Variants in CDK13 observed in about 807,000 individuals in gnomAD.
CDK13 encodes the protein cyclin-dependent kinase 13.
In CDK13, 40 loss-of-function variants were observed where a neutral mutation model predicts 137.6. The observed-to-expected ratio is 0.29, with a 90% CI of 0.23 to 0.38. The LOEUF (loss-of-function observed/expected upper bound fraction) is 0.38, where lower values mean the gene tolerates loss of function less well. CDK13 is among the 10% of genes least tolerant of loss of function. The pLI is 1.00. For synonymous variants in CDK13, 869 were observed against 760.1 expected, an observed-to-expected ratio of 1.14 and a Z score of -2.36; for missense variants, 1,704 against 1,951.8, an observed-to-expected ratio of 0.87 and a Z score of 2.39.
chr7:40,091,826 C>CT (rs946159715), intron 12 of CDK13, among the ~76,000 whole-genome samples: 3 of 152,192 alleles, frequency 2.0e-5, no homozygotes, highest in African/African-American at 7.2e-5. Context: ...TTTTCATCAT[C>CT]TTAGAGTTCC....
Position 40,003,204 on chromosome 7 carries a change from ACACTCTCTCT to A in CDK13, c.2353+1175_2353+1184del, listed in dbSNP as rs1319747815. Among the ~76,000 whole-genome samples, 11 of 81,174 alleles carry A rather than the reference ACACTCTCTCT, an allele frequency of 1.4e-4. No homozygotes were observed. In the East Asian group the frequency reaches 1.5e-3, roughly 11 times the overall value. 53.3% of individuals were successfully genotyped at this position (81,174 alleles called of 152,430 possible). A position where few individuals can be genotyped will look rare whatever the true frequency, so the allele number is the denominator to read the frequency against. ...CACACACACACACACACACACACAC[ACACTCTCTCT>A]CTCTCTCTCTCTTACTCTGTTGAGG... On this transcript the variant is annotated intron_variant, in intron 5 of 13. Transcript: ENST00000181839.
intron 2 of CDK13, among the ~76,000 whole-genome samples, chr7:39,993,804 G>C (rs886702913): frequency 1.3e-5 from 2 of 151,874 alleles, no homozygotes; most frequent in African/African-American, 4.8e-5. Flanking sequence ...AATTTTTATA[G>C]GATAGTTACA....
intron 7 of CDK13, among the ~76,000 whole-genome samples, chr7:40,058,687 A>G (rs1007512105): frequency 2.0e-5 from 3 of 152,238 alleles, no homozygotes; most frequent in South Asian, 2.1e-4. Flanking sequence ...TTGGGGATCT[A>G]TTTTGGATGT....
At chr7:40,009,595 T>C (rs1232860705) in intron 5 of CDK13, among the ~76,000 whole-genome samples, 1 of 152,228 alleles carries the variant, frequency 6.6e-6, no homozygotes. Context: ...GGTAAACATT[T>C]CTTTTTTTAA....
intron 5 of CDK13, among the ~76,000 whole-genome samples, chr7:40,042,684 G>T (rs1312649872): frequency 7.1e-6 from 1 of 141,394 alleles, no homozygotes; most frequent in Non-Finnish European, 1.6e-5. Context: ...TTACCATGTT[G>T]TCCAGGCTAG....
chr7:40,063,296 C>T (rs113031419), intron 9 of CDK13, among the ~76,000 whole-genome samples, 196 bp downstream of exon 9: 14 of 152,104 alleles, frequency 9.2e-5, no homozygotes, highest in African/African-American at 3.1e-4. Flanking sequence ...TATCAAAGCC[C>T]CTGGGTGGGT....
At chr7:40,072,922 C>T (rs1786454886) in intron 9 of CDK13, 1 of 152,082 alleles carries the variant, frequency 6.6e-6, no homozygotes, top group Non-Finnish European at 1.5e-5. Context: ...AAAATCAAAA[C>T]TGATAAAACT....
Position 40,093,257 on chromosome 7 carries a change from A to G in CDK13, c.3688+20A>G. 1 of 1,564,016 alleles carries G rather than the reference A, an allele frequency of 6.4e-7. No homozygotes were observed. The highest frequency in any genetic ancestry group is 1.1e-5 in the South Asian group (1 of 87,328). ...TGTCGGGTAAGTGTGCAGATACCAG[A>G]CCACTAACACAGCTGCATTACATTG... is the stretch of plus-strand genomic sequence containing the variant. On this transcript the variant is annotated intron_variant, in intron 13 of 13. Coordinates refer to ENST00000181839, the MANE Select transcript of CDK13 (RefSeq NM_003718.5).
intron 2 of CDK13, among the ~76,000 whole-genome samples, chr7:39,996,225 T>G (rs893910590): frequency 7.2e-5 from 11 of 152,236 alleles, no homozygotes; most frequent in African/African-American, 2.4e-4. Flanking sequence ...TACAATTACA[T>G]TATTTACATT....
At position 40,045,904 on chromosome 7, in the gene CDK13, C is replaced by T; in HGVS notation, c.2422C>T (p.His808Tyr). 6.2e-7 allele frequency: 1 copy of T among 1,613,004 alleles called. No homozygotes were observed. Among genetic ancestry groups the T allele is most frequent in the Non-Finnish European group, 8.5e-7 (1 of 1,179,228 alleles). Residue 808 changes from histidine to tyrosine, a missense_variant, in exon 6 of 14, where the codon CAT (histidine) becomes TAT (tyrosine). Coordinates refer to ENST00000181839, the MANE Select transcript of CDK13 (RefSeq NM_003718.5). The stretch of plus-strand genomic sequence containing the variant: ...GGGACTACTGGAATCAGGCTTGGTT[C>T]ATTTTAATGAAAATCACATAAAGTC... ...LMGLLESGLV[H>Y]FNENHIKSFM...
At chr7:40,017,061 T>A (rs1291186081) in intron 5 of CDK13, among the ~76,000 whole-genome samples, 1 of 152,114 alleles carries the variant, frequency 6.6e-6, no homozygotes, top group Non-Finnish European at 1.5e-5. Flanking sequence ...ATTCATGAAT[T>A]TTTTCAAAAT....
At chr7:40,063,862 C>T (rs145092338) in intron 9 of CDK13, among the ~76,000 whole-genome samples, 17,140 of 151,736 alleles carry the variant, frequency 0.11, 3,185 homozygotes, top group African/African-American at 0.39. Flanking sequence ...TTCACCATGT[C>T]GGCCAGGCTG....
In CDK13 at chr7:40,096,534, T is replaced by G. The variant is rs1235062615; in HGVS notation, c.*1554T>G. ...GGAAAAATTGACTGGAAGTTAGAGTTGTGCCAATTAATCATTTTGTTCATC... is the reference window on the plus strand; with the variant it reads ...GGAAAAATTGACTGGAAGTTAGAGTGGTGCCAATTAATCATTTTGTTCATC... On this transcript the variant is annotated 3_prime_UTR_variant, in exon 14 of 14. Coordinates refer to ENST00000181839, the MANE Select transcript of CDK13 (RefSeq NM_003718.5). 6.6e-6 allele frequency: 1 copy of G among 152,168 alleles called. No homozygotes were observed. Among genetic ancestry groups the G allele is most frequent in the Non-Finnish European group, 1.5e-5 (1 of 68,006 alleles). 9.4% of individuals were successfully genotyped at this position (152,168 alleles called of 1,614,324 possible).
intron 5 of CDK13, among the ~76,000 whole-genome samples, chr7:40,018,322 T>C (rs946177494): frequency 2.6e-5 from 4 of 152,126 alleles, no homozygotes; most frequent in African/African-American, 9.7e-5. Context: ...AAACATTTTA[T>C]GTTACTATTA....
intron 2 of CDK13, among the ~76,000 whole-genome samples, chr7:39,989,156 A>G (rs1784406612): frequency 6.6e-6 from 1 of 150,698 alleles, no homozygotes; most frequent in Non-Finnish European, 1.5e-5. Context: ...AGATGTTTAA[A>G]AATTTCTATT....
At chr7:40,050,445 G>A (rs1410228992) in intron 7 of CDK13, among the ~76,000 whole-genome samples, 1 of 152,170 alleles carries the variant, frequency 6.6e-6, no homozygotes, top group African/African-American at 2.4e-5. Context: ...AGGCTGGAGT[G>A]CAGTGGCGTG....
chr7:40,060,542 A>G (rs182320941), intron 7 of CDK13, among the ~76,000 whole-genome samples: 116 of 152,250 alleles, frequency 7.6e-4, no homozygotes, highest in Non-Finnish European at 6.0e-4. Flanking sequence ...TGTGCCCAGC[A>G]TTGTTTGGGC....
At chr7:40,048,775 G>A (rs891398011) in intron 7 of CDK13, 3 of 151,560 alleles carry the variant, frequency 2.0e-5, no homozygotes, top group Admixed American at 6.6e-5. Flanking sequence ...AGAGTAAAAA[G>A]TCTTATTTTG....
At position 39,951,325 on chromosome 7, in the gene CDK13, C is replaced by T. The variant is rs923621557; in HGVS notation, c.684C>T (p.Ala228=). 27 of 1,429,506 alleles carry T rather than the reference C, an allele frequency of 1.9e-5. No individual in the cohort carries two copies. The African/African-American group carries it at 2.0e-4, about 10-fold the overall frequency. 88.6% of individuals were successfully genotyped at this position (1,429,506 alleles called of 1,614,324 possible). ...ATGGGCAGCGCGGTGGCAGCGAGGC[C>T]TCCAAGTCCCGCAGCCGCCACAGCC... ...RRDGQRGGSE[A]SKSRSRHSHS... The change falls in exon 1 of 14, where the codon GCC becomes GCT. Residue 228 remains alanine, a synonymous_variant. Coordinates refer to ENST00000181839, the MANE Select transcript of CDK13 (RefSeq NM_003718.5).
Sources: gnomAD v4.1 joint callset for allele counts (sites outside exome capture counted in the v4.1 genomes callset) on GRCh38, gnomAD v4.1.1 for gene constraint, MANE v1.5 for transcripts, NCBI Gene and HGNC (gene_info 2026-07-23, HGNC 2026-07-21) for gene names.